CASZ1: variants seen among roughly 807,000 people sequenced by gnomAD.
CASZ1 encodes the protein castor zinc finger 1.
A neutral mutation model predicts 135.2 loss-of-function variants in CASZ1; 28 were observed. That is an observed-to-expected ratio of 0.21 (90% CI 0.15 to 0.28). CASZ1 has a LOEUF of 0.28. Ranked by LOEUF, CASZ1 falls within the 10% of genes least tolerant of loss-of-function variation. The pLI, the probability that CASZ1 is intolerant of heterozygous loss-of-function variation, is 1.00. For synonymous variants in CASZ1, 1,068 were observed against 1,073.4 expected (o/e 0.99, Z 0.10); for missense variants, 2,161 against 2,453.3 (o/e 0.88, Z 2.52).
intron 2 of CASZ1, among the ~76,000 whole-genome samples, chr1:10,712,537 A>C (rs1188979244): frequency 6.6e-6 from 1 of 152,122 alleles, no homozygotes; most frequent in East Asian, 1.9e-4. Flanking sequence ...GGGGAAGCCA[A>C]GCCAGGGGGG....
At position 10,657,983 on chromosome 1, in the gene CASZ1, G is replaced by C. The variant is rs485879; in HGVS notation, c.1409+525C>G. ...GACGACAGCCCACACCTTCTCTCTC[G>C]CTTTCTCTCTCTCTTTTTTTTTTTT... On this transcript the variant is annotated intron_variant, in intron 7 of 20. Transcript: ENST00000377022. The surrounding 1 kb of genome is among the most constrained non-coding windows in gnomAD (Gnocchi z 5.7). The C allele has an allele frequency of 1.3e-5, 2 of 151,460 alleles. No individual in the cohort carries two copies. The highest frequency in any genetic ancestry group is 5.0e-5 in the African/African-American group (2 of 40,288). The allele number at this position is 151,460 out of a possible 1,614,324, so 9.4% of individuals were successfully genotyped here.
At chr1:10,793,944 C>G (rs1641010720) in intron 1 of CASZ1, among the ~76,000 whole-genome samples, 2 of 152,160 alleles carry the variant, frequency 1.3e-5, no homozygotes, top group Non-Finnish European at 2.9e-5. Context: ...GACGCCCGCC[C>G]GGGACGCACC....
chr1:10,751,069 A>G (rs1009990248), intron 2 of CASZ1, among the ~76,000 whole-genome samples: 3 of 151,500 alleles, frequency 2.0e-5, no homozygotes, highest in African/African-American at 7.3e-5. Context: ...TGTAACTGTC[A>G]TTGCTATTAT....
chr1:10,639,220 C>A lies in CASZ1; in HGVS notation c.5002G>T (p.Ala1668Ser). The A allele has an allele frequency of 8.8e-6, 8 of 905,136 alleles. No individual in the cohort carries two copies. The highest frequency in any genetic ancestry group is 1.1e-5 in the Non-Finnish European group (8 of 756,236). 56.1% of individuals were successfully genotyped at this position (905,136 alleles called of 1,614,324 possible). A position where few individuals can be genotyped will look rare whatever the true frequency, so the allele number is the denominator to read the frequency against. Residue 1668 changes from alanine to serine, a missense_variant, in exon 21 of 21, where the codon GCC (alanine) becomes TCC (serine). Ala to Ser is a moderately conservative substitution (Grantham distance 99). Transcript: ENST00000377022. The surrounding 1 kb of genome is among the most constrained non-coding windows in gnomAD (Gnocchi z 4.0). ...GPREGAAAAA[A>S]AAGESSQEDE... ...TCCTGCGAGGACTCCCCAGCTGCGG[C>A]GGCGGCGGCGGCGGCGCCCTCGCGC... is the stretch of plus-strand genomic sequence containing the variant.
intron 1 of CASZ1, among the ~76,000 whole-genome samples, chr1:10,761,872 C>T (rs1384981845): frequency 2.6e-5 from 4 of 152,198 alleles, no homozygotes; most frequent in Non-Finnish European, 5.9e-5. Flanking sequence ...CTCCTGCCCA[C>T]CCTGCCTGCG....
intron 5 of CASZ1, chr1:10,661,487 C>T (rs901106339): frequency 3.3e-5 from 5 of 149,608 alleles, no homozygotes; most frequent in Admixed American, 6.6e-5. Flanking sequence ...CACACGGTCA[C>T]ATGCACACAA....
intron 5 of CASZ1, 26 bp from the exon 6 acceptor site, chr1:10,660,562 A>G (rs756316193): frequency 6.3e-7 from 1 of 1,587,626 alleles, no homozygotes; most frequent in Non-Finnish European, 8.6e-7. Context: ...GGGGCGCATC[A>G]CCTCTGGGAG....
chr1:10,670,244 C>T (rs1177219659), intron 4 of CASZ1, among the ~76,000 whole-genome samples: 1 of 152,196 alleles, frequency 6.6e-6, no homozygotes, highest in Non-Finnish European at 1.5e-5. Context: ...TTGGTGATGC[C>T]CCCAGGATCT....
In CASZ1 at chr1:10,735,690, C is replaced by T. The variant is rs1003793535; in HGVS notation, c.-77+25011G>A. On this transcript the variant is annotated intron_variant, in intron 2 of 20. Coordinates refer to ENST00000377022, the MANE Select transcript of CASZ1 (RefSeq NM_001079843.3). This position sits in a 1 kb window ranked among gnomAD's most constrained non-coding sequence, Gnocchi z 5.1. ...CACCACAGATGGCCAGCTGAACCCT[C>T]AGTTCCTTCGGTTAAATGAGGTCAA... is the stretch of plus-strand genomic sequence containing the variant. Among the ~76,000 whole-genome samples, 3 of 152,216 alleles carry T rather than the reference C, an allele frequency of 2.0e-5. No homozygotes were observed. The highest frequency in any genetic ancestry group is 1.3e-4 in the Admixed American group (2 of 15,288).
In CASZ1 at chr1:10,698,000, T is replaced by C. The variant is rs611877; in HGVS notation, c.-23-4088A>G. ...AGGGCAGAGCCAAGGCACCACGGCA[T>C]GGCCACGGGCACGGGAGGTCGTGGG... On this transcript the variant is annotated intron_variant, in intron 3 of 20. Transcript: ENST00000377022. This position sits in a 1 kb window ranked among gnomAD's most constrained non-coding sequence, Gnocchi z 4.7. Among the ~76,000 whole-genome samples, 12,415 of 152,230 alleles carry C rather than the reference T, an allele frequency of 0.082. 1,701 individuals are homozygous for C. Among genetic ancestry groups the C allele is most frequent in the African/African-American group, 0.28 (11,639 of 41,494 alleles).
chr1:10,653,304 C>G (rs1642658962), intron 11 of CASZ1, 73 bp downstream of exon 11: 1 of 1,480,660 alleles, frequency 6.8e-7, no homozygotes, highest in Non-Finnish European at 9.4e-7. Flanking sequence ...CGACTCTGCT[C>G]TGCAGCCTGA....
Position 10,788,937 on chromosome 1 carries a change from G to T in CASZ1, c.-234+7627C>A, listed in dbSNP as rs941050777. Among the ~76,000 whole-genome samples, 8 of 152,200 alleles carry T rather than the reference G, an allele frequency of 5.3e-5. No individual in the cohort carries two copies. In the East Asian group the frequency reaches 1.5e-3, roughly 29 times the overall value. On this transcript the variant is annotated intron_variant, in intron 1 of 20. Transcript: ENST00000377022. The surrounding 1 kb of genome is among the most constrained non-coding windows in gnomAD (Gnocchi z 4.1). The stretch of plus-strand genomic sequence containing the variant: ...TCGCAGATCCTCTAAGCCACCTAGT[G>T]TCCAGAGCTGAGCTCTAGCCACCAC...
intron 2 of CASZ1, among the ~76,000 whole-genome samples, chr1:10,740,960 C>CAAA (rs374464130): frequency 1.6e-5 from 1 of 61,452 alleles, no homozygotes; most frequent in Non-Finnish European, 2.9e-5. Flanking sequence ...CCTGTCTGGA[C>CAAA]AAAAAAAAAA....
At chr1:10,765,187 G>T (rs1168428311) in intron 1 of CASZ1, among the ~76,000 whole-genome samples, 1 of 152,128 alleles carries the variant, frequency 6.6e-6, no homozygotes, top group East Asian at 1.9e-4. Context: ...ATGTGGGTAC[G>T]GGGAGGCGCC....
At chr1:10,691,116 T>TA (rs1166869854) in intron 4 of CASZ1, among the ~76,000 whole-genome samples, 2 of 150,362 alleles carry the variant, frequency 1.3e-5, no homozygotes, top group East Asian at 3.9e-4. Context: ...CTTTTTTTTT[T>TA]ATTAGCATTT....
At chr1:10,645,564 A>G (rs1302988105) in intron 17 of CASZ1, among the ~76,000 whole-genome samples, 1 of 152,206 alleles carries the variant, frequency 6.6e-6, no homozygotes, top group African/African-American at 2.4e-5. Context: ...TCACTGCACT[A>G]AAGCATCCTA....
In CASZ1 at chr1:10,648,016, C is replaced by G; in HGVS notation, c.3282G>C (p.Thr1094=). The stretch of plus-strand genomic sequence containing the variant: ...GCCCCTCCAGAGAGGACACCGTGGC[C>G]GTGGTGACAGGAGGGACCGGAGGGG... ...PSSPPVPPVT[T]ATVSSLEGPA... is the part of the protein sequence containing the mutation. Residue 1094 remains threonine (T), a synonymous_variant, in exon 16 of 21, where the codon ACG becomes ACC. Coordinates refer to ENST00000377022, the MANE Select transcript of CASZ1 (RefSeq NM_001079843.3). 1 of 1,599,246 alleles carries G rather than the reference C, an allele frequency of 6.3e-7. No homozygotes were observed. The highest frequency in any genetic ancestry group is 8.5e-7 in the Non-Finnish European group (1 of 1,172,212).
At chr1:10,653,172 C>G in intron 11 of CASZ1, 2 of 642,676 alleles carry the variant, frequency 3.1e-6, no homozygotes, top group Non-Finnish European at 2.8e-6. Context: ...GCATGGCCCC[C>G]CTACTGTGGG....
intron 11 of CASZ1, chr1:10,652,584 A>G (rs987235784): frequency 1.3e-5 from 2 of 152,284 alleles, no homozygotes; most frequent in African/African-American, 2.4e-5. Context: ...CCCAATCCAG[A>G]GAAAAATGGA....
Sources: allele counts gnomAD v4.1 joint callset (sites outside exome capture counted in the v4.1 genomes callset), GRCh38; gene constraint gnomAD v4.1.1; non-coding constraint Gnocchi (gnomAD v3.1); transcripts MANE v1.5; gene names NCBI Gene and HGNC (gene_info 2026-07-23, HGNC 2026-07-21).